Variants in FARS2 observed in about 807,000 individuals in gnomAD.
FARS2 encodes the protein phenylalanine--tRNA ligase, mitochondrial.
In FARS2, 40 loss-of-function variants were observed where a neutral mutation model predicts 46.4. The ratio of observed to expected loss-of-function variants is 0.86; its 90% confidence interval spans 0.67 to 1.12. FARS2 has a LOEUF of 1.12. Ranked by LOEUF, FARS2 falls within the 50% of genes most tolerant of loss-of-function variation. The probability of loss-of-function intolerance (pLI) is 0.00; values close to 1 mark genes in which losing one functional copy is unlikely to be tolerated. For missense variants in FARS2, 513 were observed against 567.9 expected, an observed-to-expected ratio of 0.90 and a Z score of 0.98; for synonymous variants, 234 against 214.9, an observed-to-expected ratio of 1.09 and a Z score of -0.78.
chr6:5,381,548 G>A (rs561379541), intron 2 of FARS2, among the ~76,000 whole-genome samples: 2 of 152,188 alleles, frequency 1.3e-5, no homozygotes, highest in African/African-American at 4.8e-5. Flanking sequence ...CTTTTAATAG[G>A]TAATTCCCAA....
intron 6 of FARS2, among the ~76,000 whole-genome samples, chr6:5,653,017 G>A (rs998409702): frequency 3.3e-5 from 5 of 152,184 alleles, no homozygotes; most frequent in African/African-American, 7.2e-5. Flanking sequence ...TATTTATAAA[G>A]CATGCCATAC....
chr6:5,416,224 A>G (rs1334530533), intron 3 of FARS2, among the ~76,000 whole-genome samples: 1 of 152,194 alleles, frequency 6.6e-6, no homozygotes, highest in Non-Finnish European at 1.5e-5. Flanking sequence ...ACCCAAGGTC[A>G]CAAAGATTTT....
At chr6:5,750,982 G>A (rs1434925996) in intron 6 of FARS2, among the ~76,000 whole-genome samples, 1 of 152,040 alleles carries the variant, frequency 6.6e-6, no homozygotes, top group Non-Finnish European at 1.5e-5. Context: ...ATTTTCCCAT[G>A]CTAAGGTGAA....
intron 6 of FARS2, among the ~76,000 whole-genome samples, chr6:5,691,937 C>G (rs1757758092): frequency 6.6e-6 from 1 of 152,212 alleles, no homozygotes; most frequent in Non-Finnish European, 1.5e-5. Context: ...TGATCTCAGA[C>G]TGCTGTGCTA....
rs536495277 is a variant in FARS2 at position 5,726,398 on chromosome 6, C to T, written c.1218-44893C>T. 3.6e-4 allele frequency among the ~76,000 whole-genome samples: 54 copies of T among 152,104 alleles called. 1 individual carries two copies. The South Asian group carries it at 8.3e-3, about 23-fold the overall frequency. ...AATGAAGACTCTGCTGCAGCATGGGCAAATATTTAGGCAATGATGATAAAT... is the reference window on the plus strand; with the variant it reads ...AATGAAGACTCTGCTGCAGCATGGGTAAATATTTAGGCAATGATGATAAAT... On this transcript the variant is annotated intron_variant, in intron 6 of 6. Coordinates refer to ENST00000274680, the MANE Select transcript of FARS2 (RefSeq NM_006567.5).
intron 6 of FARS2, among the ~76,000 whole-genome samples, chr6:5,750,406 G>C (rs768122838): frequency 2.0e-5 from 3 of 152,162 alleles, no homozygotes; most frequent in Non-Finnish European, 4.4e-5. Context: ...TTGTACCCTT[G>C]ATCAGACAAG....
rs1346385101 is a variant in FARS2 at position 5,413,910 on chromosome 6, C to G, written c.772+9209C>G. On this transcript the variant is annotated intron_variant, in intron 3 of 6. Transcript: ENST00000274680. ...ATAAGCTGTATTTTACTGAGAAAATCTAGGTGACTGGCTGTGGATTTTGTG... is the reference window on the plus strand; with the variant it reads ...ATAAGCTGTATTTTACTGAGAAAATGTAGGTGACTGGCTGTGGATTTTGTG... 2.0e-5 allele frequency among the ~76,000 whole-genome samples: 3 copies of G among 152,254 alleles called. No homozygotes were observed. In the East Asian group the frequency reaches 5.8e-4, roughly 29 times the overall value.
rs992163531 is a variant in FARS2 at position 5,466,500 on chromosome 6, A to G, written c.904+35328A>G. 3.1e-6 allele frequency: 3 copies of G among 979,790 alleles called. No homozygotes were observed. The African/African-American group carries it at 5.3e-5, about 17-fold the overall frequency. 60.7% of individuals were successfully genotyped at this position (979,790 alleles called of 1,614,324 possible). ...AAACATAATAAATGTTTAGTGGAAG[A>G]AGATAAGGAAATATGTTGTATACCT... On this transcript the variant is annotated intron_variant, in intron 4 of 6. Coordinates refer to ENST00000274680, the MANE Select transcript of FARS2 (RefSeq NM_006567.5).
intron 1 of FARS2, among the ~76,000 whole-genome samples, chr6:5,317,999 G>A (rs1769660540): frequency 6.6e-6 from 1 of 152,096 alleles, no homozygotes. Flanking sequence ...TTTCACACCG[G>A]TGCAGTTCAT....
Position 5,642,340 on chromosome 6 carries a change from G to A in FARS2, c.1217+29020G>A, listed in dbSNP as rs373501487. Among the ~76,000 whole-genome samples, 98 of 152,334 alleles carry A rather than the reference G, an allele frequency of 6.4e-4. 2 individuals carry two copies. The South Asian group carries it at 0.02, about 31-fold the overall frequency. ...TGATCCAGGACAATCCATGGGAAGT[G>A]CTCTTCTGAGCACTGTAAATCCCCA... On this transcript the variant is annotated intron_variant, in intron 6 of 6. Transcript: ENST00000274680.
chr6:5,369,225 C>T, intron 2 of FARS2, 43 bp downstream of exon 2: 1 of 1,575,032 alleles, frequency 6.3e-7, no homozygotes, highest in South Asian at 1.1e-5. Context: ...ATGTCATAGA[C>T]ATTTTATGTT....
At position 5,764,520 on chromosome 6, in the gene FARS2, C is replaced by G; in HGVS notation, c.1218-6771C>G. Among the ~76,000 whole-genome samples, 1 of 152,116 alleles carries G rather than the reference C, an allele frequency of 6.6e-6. No homozygotes were observed. Among genetic ancestry groups the G allele is most frequent in the East Asian group, 1.9e-4 (1 of 5,186 alleles). ...AGCAGGAGACAGATGAGGAGTGAGC[C>G]GGGGAAACCCAGTGTTTGTTACTCT... On this transcript the variant is annotated intron_variant, in intron 6 of 6. Coordinates refer to ENST00000274680, the MANE Select transcript of FARS2 (RefSeq NM_006567.5). The surrounding 1 kb of genome is among the most constrained non-coding windows in gnomAD (Gnocchi z 4.1).
At chr6:5,365,437 C>T (rs1188808442) in intron 1 of FARS2, among the ~76,000 whole-genome samples, 1 of 146,326 alleles carries the variant, frequency 6.8e-6, no homozygotes, top group Non-Finnish European at 1.5e-5. Flanking sequence ...TTCATGCAGT[C>T]CTCCTGCCTT....
intron 1 of FARS2, among the ~76,000 whole-genome samples, chr6:5,275,959 A>G (rs1356068348): frequency 6.6e-6 from 1 of 152,176 alleles, no homozygotes; most frequent in African/African-American, 2.4e-5. Context: ...AGCCCCTAGT[A>G]GTGAATGTTT....
chr6:5,535,783 T>C lies in FARS2; in HGVS notation c.905-9397T>C, dbSNP rs1378132834. 3.3e-5 allele frequency among the ~76,000 whole-genome samples: 5 copies of C among 152,198 alleles called. 1 individual carries two copies. The highest frequency in any genetic ancestry group is 1.3e-4 in the Admixed American group (2 of 15,280). ...GATGCATTCACTGTATCAATTGATA[T>C]GGTTATGTGGGTTTTATTTCTTTTA... On this transcript the variant is annotated intron_variant, in intron 4 of 6. Coordinates refer to ENST00000274680, the MANE Select transcript of FARS2 (RefSeq NM_006567.5).
intron 5 of FARS2, among the ~76,000 whole-genome samples, chr6:5,600,252 C>G (rs998391052): frequency 2.0e-5 from 3 of 152,118 alleles, no homozygotes; most frequent in Non-Finnish European, 4.4e-5. Flanking sequence ...TACAGAAATT[C>G]TGTCAAAAGT....
intron 3 of FARS2, among the ~76,000 whole-genome samples, chr6:5,409,003 C>T (rs1761777640): frequency 6.6e-6 from 1 of 152,306 alleles, no homozygotes; most frequent in South Asian, 2.1e-4. Context: ...TGGTCCTAGA[C>T]TTTCCTTTGT....
At chr6:5,346,805 T>C (rs919240333) in intron 1 of FARS2, among the ~76,000 whole-genome samples, 1 of 152,178 alleles carries the variant, frequency 6.6e-6, no homozygotes, top group African/African-American at 2.4e-5. Context: ...TAAATGTAGA[T>C]AATGATAACT....
At chr6:5,532,961 A>G (rs1002785761) in intron 4 of FARS2, among the ~76,000 whole-genome samples, 1 of 151,664 alleles carries the variant, frequency 6.6e-6, no homozygotes, top group Non-Finnish European at 1.5e-5. Context: ...TTTTTTCAAT[A>G]TGTAGTAGTT....
Sources: allele counts gnomAD v4.1 joint callset (sites outside exome capture counted in the v4.1 genomes callset), GRCh38; gene constraint gnomAD v4.1.1; non-coding constraint Gnocchi (gnomAD v3.1); transcripts MANE v1.5; gene names NCBI Gene and HGNC (gene_info 2026-07-23, HGNC 2026-07-21).